DYNC2H1: variants seen among roughly 807,000 people sequenced by gnomAD.
DYNC2H1 encodes the protein cytoplasmic dynein 2 heavy chain 1.
Under a neutral mutation model 570.0 loss-of-function variants are expected in DYNC2H1, and 410 were observed. The observed-to-expected ratio is 0.72, with a 90% CI of 0.66 to 0.78. The LOEUF is 0.78. Ranked by LOEUF, DYNC2H1 falls within the 30% of genes least tolerant of loss-of-function variation. The pLI is 0.00. For synonymous variants in DYNC2H1, 1,688 were observed against 1,677.6 expected (o/e 1.01, Z -0.15); for missense variants, 4,865 against 5,046.4 (o/e 0.96, Z 1.09).
At chr11:103,128,698 T>G (rs1421527973) in intron 12 of DYNC2H1, among the ~76,000 whole-genome samples, 1 of 152,212 alleles carries the variant, frequency 6.6e-6, no homozygotes. Context: ...TAATCAGACC[T>G]CAGGACATGA....
intron 84 of DYNC2H1, chr11:103,409,597 G>A (rs1942999577): frequency 6.6e-6 from 1 of 152,582 alleles, no homozygotes; most frequent in Non-Finnish European, 1.5e-5. Context: ...GGCTAGGCTT[G>A]ATGTGGCTAG....
Position 103,252,364 on chromosome 11 carries a change from T to C in DYNC2H1, c.10043-921T>C, listed in dbSNP as rs1231823210. On this transcript the variant is annotated intron_variant, in intron 65 of 88. Transcript: ENST00000375735. This position sits in a 1 kb window ranked among gnomAD's most constrained non-coding sequence, Gnocchi z 4.6. ...GGTGGTGACTTATTTCCTTTGGGCA[T>C]ATACCCAGAAAAAAGATTGCTGGGT... Among the ~76,000 whole-genome samples, 1 of 152,152 alleles carries C rather than the reference T, an allele frequency of 6.6e-6. No homozygotes were observed. The highest frequency in any genetic ancestry group is 1.9e-4 in the East Asian group (1 of 5,190).
Position 103,439,984 on chromosome 11 carries a change from T to C in DYNC2H1, c.12456+3952T>C, listed in dbSNP as rs1944207293. 6.6e-6 allele frequency among the ~76,000 whole-genome samples: 1 copy of C among 152,168 alleles called. No homozygotes were observed. Among genetic ancestry groups the C allele is most frequent in the Non-Finnish European group, 1.5e-5 (1 of 68,034 alleles). ...GCGTATCCCTTACAGCAGTATATTC[T>C]GATTCTTCTGTGATGATCATTCTAA... On this transcript the variant is annotated intron_variant, in intron 85 of 88. Transcript: ENST00000375735. This position sits in a 1 kb window ranked among gnomAD's most constrained non-coding sequence, Gnocchi z 4.1.
At chr11:103,423,321 C>T (rs1280115908) in intron 84 of DYNC2H1, among the ~76,000 whole-genome samples, 2 of 150,042 alleles carry the variant, frequency 1.3e-5, no homozygotes, top group Admixed American at 1.3e-4. Context: ...TTGATTTTCA[C>T]CAATAGGCTA....
At chr11:103,453,785 A>G (rs184569084) in intron 85 of DYNC2H1, among the ~76,000 whole-genome samples, 61 of 151,772 alleles carry the variant, frequency 4.0e-4, no homozygotes, top group African/African-American at 1.3e-3. Context: ...AGGAATAAAT[A>G]TTAACTATAA....
In DYNC2H1 at chr11:103,154,615, C is replaced by CA; in HGVS notation, c.3458+14dup. ...GACTGGATCACTTTTCGGTTTGATT[C>CA]AAAAACAATATTTAGACTAATAATT... On this transcript the variant is annotated intron_variant, in intron 23 of 88. Coordinates refer to ENST00000375735, the MANE Select transcript of DYNC2H1 (RefSeq NM_001377.3). 1 of 1,585,066 alleles carries CA rather than the reference C, an allele frequency of 6.3e-7. No homozygotes were observed. The highest frequency in any genetic ancestry group is 8.6e-7 in the Non-Finnish European group (1 of 1,168,340).
At chr11:103,372,725 T>C (rs1941224114) in intron 83 of DYNC2H1, among the ~76,000 whole-genome samples, 1 of 152,226 alleles carries the variant, frequency 6.6e-6, no homozygotes, top group South Asian at 2.1e-4. Context: ...TGTCCTTCTC[T>C]GGTTTTGGAA....
At chr11:103,371,022 A>G (rs1165404402) in intron 83 of DYNC2H1, among the ~76,000 whole-genome samples, 2 of 152,182 alleles carry the variant, frequency 1.3e-5, no homozygotes, top group African/African-American at 4.8e-5. Context: ...TTTCAGACAG[A>G]GAATGCAAAA....
rs1328180138 is a variant in DYNC2H1 at position 103,201,982 on chromosome 11, A to G, written c.8198-1681A>G. On this transcript the variant is annotated intron_variant, in intron 50 of 88. Transcript: ENST00000375735. This position sits in a 1 kb window ranked among gnomAD's most constrained non-coding sequence, Gnocchi z 4.8. ...ATTTTCAACTCAGTTTTCAATAAAT[A>G]CTTGCTTTGTATCATGCTAGTGCTC... 6.6e-6 allele frequency among the ~76,000 whole-genome samples: 1 copy of G among 152,144 alleles called. No individual in the cohort carries two copies. The highest frequency in any genetic ancestry group is 2.4e-5 in the African/African-American group (1 of 41,440).
chr11:103,305,457 TAGGAAAGA>T lies in DYNC2H1; in HGVS notation c.11382+738_11382+745del, dbSNP rs1043442795. On this transcript the variant is annotated intron_variant, in intron 77 of 88. Transcript: ENST00000375735. The surrounding 1 kb of genome is among the most constrained non-coding windows in gnomAD (Gnocchi z 4.3). ...GCGTGGGGAAATTGAATTAGATGAC[TAGGAAAGA>T]GCTAGGTTATGGAATACCCTGAGAA... 2.3e-4 allele frequency among the ~76,000 whole-genome samples: 35 copies of T among 152,198 alleles called. No individual in the cohort carries two copies. In the East Asian group the frequency reaches 6.6e-3, roughly 29 times the overall value.
chr11:103,312,091 AT>A (rs369870875), intron 79 of DYNC2H1, 58 bp downstream of exon 79: 38,825 of 1,545,730 alleles, frequency 0.025, 570 homozygotes, highest in Non-Finnish European at 0.029. Context: ...ATGTTAAAAT[AT>A]TTTTGTGGCC....
rs1324042175 is a variant in DYNC2H1, at chr11:103,203,760, CA to C, written c.8297del (p.Asn2766IlefsTer15). 6.2e-7 allele frequency: 1 copy of C among 1,606,660 alleles called. No homozygotes were observed. The highest frequency in any genetic ancestry group is 8.5e-7 in the Non-Finnish European group (1 of 1,175,872). On this transcript the variant is annotated frameshift_variant, in exon 51 of 89. Transcript: ENST00000375735. LOFTEE classifies it high-confidence loss of function. This position sits in a 1 kb window ranked among gnomAD's most constrained non-coding sequence, Gnocchi z 4.7. ...AAGATGGTTTTTTTGGACCAGTCTTCAATTACTTCACATATAGTAAGTGACA... is the reference window on the plus strand; with the variant it reads ...AAGATGGTTTTTTTGGACCAGTCTTCATTACTTCACATATAGTAAGTGACA... ...SQDGFFGPVF[N>X]YFTYRIQQNL...
chr11:103,207,386 C>T (rs185980287), intron 52 of DYNC2H1, among the ~76,000 whole-genome samples: 2 of 151,820 alleles, frequency 1.3e-5, no homozygotes, highest in East Asian at 1.9e-4. Context: ...ATCTAGTGTA[C>T]AAATGGAAGA....
Position 103,257,725 on chromosome 11 carries a change from T to C in DYNC2H1, c.10579T>C (p.Phe3527Leu). 6.2e-7 allele frequency: 1 copy of C among 1,602,320 alleles called. No individual in the cohort carries two copies. The highest frequency in any genetic ancestry group is 1.3e-5 in the African/African-American group (1 of 74,848). Residue 3527 changes from phenylalanine (F) to leucine (L), a missense_variant, in exon 69 of 89, where the codon TTC becomes CTC. Physicochemically the swap from Phe to Leu is conservative, Grantham distance 22. This residue lies in a region of DYNC2H1 where 2,401 missense variants were observed against 2,454.6 expected (regional missense o/e 0.98). Transcript: ENST00000375735. ...RFSLAAFLRL[F>L]QRALQNKQDS... ...TAGTTTGGCTGCTTTTCTCCGACTTTTCCAACGAGCTCTACAAAACAAACA... is the reference window on the plus strand; with the variant it reads ...TAGTTTGGCTGCTTTTCTCCGACTTCTCCAACGAGCTCTACAAAACAAACA...
intron 6 of DYNC2H1, among the ~76,000 whole-genome samples, chr11:103,119,421 C>T (rs887803634): frequency 2.6e-5 from 4 of 152,058 alleles, no homozygotes; most frequent in African/African-American, 7.2e-5. Context: ...CTCACTGCAA[C>T]CTCTGCCTCC....
chr11:103,256,269 A>G lies in DYNC2H1; in HGVS notation c.10461+29A>G, dbSNP rs746417593. 6 of 1,562,480 alleles carry G rather than the reference A, an allele frequency of 3.8e-6. No homozygotes were observed. In the Admixed American group the frequency reaches 1.1e-4, roughly 30 times the overall value. The stretch of plus-strand genomic sequence containing the variant: ...ATTATTTCCTTCTTTGTAATTTCGT[A>G]TTATGTTTTCTTGAACATTTAGGTT... On this transcript the variant is annotated intron_variant, in intron 68 of 88. Transcript: ENST00000375735. The surrounding 1 kb of genome is among the most constrained non-coding windows in gnomAD (Gnocchi z 4.0).
intron 39 of DYNC2H1, among the ~76,000 whole-genome samples, chr11:103,180,221 A>G (rs1861793165): frequency 6.6e-6 from 1 of 151,682 alleles, no homozygotes; most frequent in Non-Finnish European, 1.5e-5. Flanking sequence ...GAATAAAGGT[A>G]AGTTTTTAGT....
chr11:103,333,559 A>G (rs1938941259), intron 82 of DYNC2H1, among the ~76,000 whole-genome samples: 1 of 152,190 alleles, frequency 6.6e-6, no homozygotes, highest in South Asian at 2.1e-4. Flanking sequence ...TGAAAACCTT[A>G]AATGTGTCAT....
intron 75 of DYNC2H1, 55 bp from the exon 76 acceptor site, chr11:103,303,038 A>G: frequency 3.9e-6 from 5 of 1,268,780 alleles, no homozygotes; most frequent in Non-Finnish European, 5.2e-6. Context: ...GATTTAATAA[A>G]CTTTTTAATA....
Sources: gnomAD v4.1 joint callset for allele counts (sites outside exome capture counted in the v4.1 genomes callset) on GRCh38, gnomAD v4.1.1 for gene constraint, gnomAD v4.1.1 regional missense constraint, Gnocchi (gnomAD v3.1) non-coding constraint, MANE v1.5 for transcripts, NCBI Gene and HGNC (gene_info 2026-07-23, HGNC 2026-07-21) for gene names.